The following LRRC3 variants were observed in gnomAD, a reference collection of about 807,000 sequenced individuals.
LRRC3 encodes the protein leucine rich repeat containing 3, also known as leucine-rich repeat-containing protein 3.
For missense variants in LRRC3, 351 were observed against 361.6 expected, an observed-to-expected ratio of 0.97 and a Z score of 0.24; for synonymous variants, 172 against 164.1, an observed-to-expected ratio of 1.05 and a Z score of -0.37.
At position 44,457,137 on chromosome 21, in the gene LRRC3, G is replaced by A. The variant is rs761582813; in HGVS notation, c.493G>A (p.Asp165Asn). Residue 165 changes from aspartate (D) to asparagine (N), a missense_variant, in exon 2 of 2, where the codon GAC (aspartate) becomes AAC (asparagine). Transcript: ENST00000291592. ...EALWELKLDPDSVDEIACHTS... is the reference protein window; with the variant it reads ...EALWELKLDPNSVDEIACHTS... ...CCTGTGGGAGCTGAAGCTGGACCCC[G>A]ACTCTGTGGACGAGATCGCCTGCCA... 21 of 1,612,826 alleles carry A rather than the reference G, an allele frequency of 1.3e-5. No individual in the cohort carries two copies. The highest frequency in any genetic ancestry group is 1.2e-4 in the African/African-American group (9 of 74,944).
Position 44,458,689 on chromosome 21 carries a change from A to G in LRRC3, c.*1271A>G, listed in dbSNP as rs1309867320. The G allele has an allele frequency of 6.0e-6, 1 of 166,990 alleles. No homozygotes were observed. Among genetic ancestry groups the G allele is most frequent in the East Asian group, 1.9e-4 (1 of 5,206 alleles). The allele number at this position is 166,990 out of a possible 1,614,324, so 10.3% of individuals were successfully genotyped here. On this transcript the variant is annotated 3_prime_UTR_variant, in exon 2 of 2. Coordinates refer to ENST00000291592, the MANE Select transcript of LRRC3 (RefSeq NM_030891.6). ...GTTAGATGTTACCTCCACCTATATG[A>G]TAGTAATTCCTAATTTTATTTTTTA...
In LRRC3 at chr21:44,456,919, A is replaced by G; in HGVS notation, c.275A>G (p.Glu92Gly). 1.2e-6 allele frequency: 2 copies of G among 1,611,284 alleles called. No homozygotes were observed. The highest frequency in any genetic ancestry group is 1.7e-6 in the Non-Finnish European group (2 of 1,179,854). Residue 92 changes from glutamate (E) to glycine (G), a missense_variant, in exon 2 of 2, where the codon GAG becomes GGG. By Grantham distance (98) the Glu-to-Gly change is moderately conservative. Transcript: ENST00000291592. ...TTCCAGCACCTGCACCGGCTCAGGG[A>G]GCTGGATCTGTCTCACAACGCCATC... ...GAFQHLHRLR[E>G]LDLSHNAIEA...
In LRRC3 at chr21:44,457,933, T is replaced by C. The variant is rs1373758900; in HGVS notation, c.*515T>C. 1.2e-5 allele frequency: 2 copies of C among 170,016 alleles called. No homozygotes were observed. Among genetic ancestry groups the C allele is most frequent in the Non-Finnish European group, 2.8e-5 (2 of 70,298 alleles). 10.5% of individuals were successfully genotyped at this position (170,016 alleles called of 1,614,324 possible). On this transcript the variant is annotated 3_prime_UTR_variant, in exon 2 of 2. Transcript: ENST00000291592. ...GCCTTGTTCCAGTGTTCGAAGTACA[T>C]TGGAACGTAAGCCCTGTTTCCAGAG...
Position 44,456,925 on chromosome 21 carries a change from A to T in LRRC3, c.281A>T (p.Asp94Val). 1 of 1,611,072 alleles carries T rather than the reference A, an allele frequency of 6.2e-7. No homozygotes were observed. The highest frequency in any genetic ancestry group is 8.5e-7 in the Non-Finnish European group (1 of 1,179,868). Residue 94 changes from aspartate (D) to valine (V), a missense_variant, in exon 2 of 2, where the codon GAT (aspartate) becomes GTT (valine). By Grantham distance (152) the Asp-to-Val change is radical. Coordinates refer to ENST00000291592, the MANE Select transcript of LRRC3 (RefSeq NM_030891.6). Reference protein sequence around the residue: ...FQHLHRLRELDLSHNAIEAIG... With the variant: ...FQHLHRLRELVLSHNAIEAIG... The stretch of plus-strand genomic sequence containing the variant: ...CACCTGCACCGGCTCAGGGAGCTGG[A>T]TCTGTCTCACAACGCCATCGAGGCC...
In LRRC3 at chr21:44,456,609, G is replaced by C. The variant is rs778597267; in HGVS notation, c.-36G>C. On this transcript the variant is annotated 5_prime_UTR_variant, in exon 2 of 2. Transcript: ENST00000291592. ...CCAGCTCCATCCCCAGGCCCTAGCAGAGGCTCGCGTGTCCCCGTCCCCAGG... is the reference window on the plus strand; with the variant it reads ...CCAGCTCCATCCCCAGGCCCTAGCACAGGCTCGCGTGTCCCCGTCCCCAGG... 8 of 1,542,464 alleles carry C rather than the reference G, an allele frequency of 5.2e-6. No homozygotes were observed. Among genetic ancestry groups the C allele is most frequent in the Non-Finnish European group, 7.0e-6 (8 of 1,145,770 alleles).
chr21:44,457,045 G>A lies in LRRC3; in HGVS notation c.401G>A (p.Gly134Asp). The A allele has an allele frequency of 1.2e-6, 2 of 1,606,236 alleles. No homozygotes were observed. The highest frequency in any genetic ancestry group is 1.1e-5 in the South Asian group (1 of 91,024). ...RIQRIPKDALGKLSAKIRLSH... is the reference protein window; with the variant it reads ...RIQRIPKDALDKLSAKIRLSH... ...CAGAGGATCCCCAAGGACGCCCTGG[G>A]CAAACTCAGCGCCAAGATACGCCTG... The change falls in exon 2 of 2, where the codon GGC becomes GAC. Residue 134 changes from glycine (G) to aspartate (D), a missense_variant. By Grantham distance (94) the Gly-to-Asp change is moderately conservative. Coordinates refer to ENST00000291592, the MANE Select transcript of LRRC3 (RefSeq NM_030891.6).
At chr21:44,456,358 G>A (rs773870514) in intron 1 of LRRC3, 140 bp from the exon 2 acceptor site, 10 of 443,614 alleles carry the variant, frequency 2.3e-5, no homozygotes, top group Non-Finnish European at 4.0e-5. Flanking sequence ...GCTGTTTAAG[G>A]AGGCGTGCTC....
At position 44,456,995 on chromosome 21, in the gene LRRC3, G is replaced by A. The variant is rs2051708283; in HGVS notation, c.351G>A (p.Leu117=). 1.2e-6 allele frequency: 2 copies of A among 1,606,484 alleles called. No homozygotes were observed. The highest frequency in any genetic ancestry group is 1.7e-6 in the Non-Finnish European group (2 of 1,179,882). Residue 117 remains leucine, a synonymous_variant, in exon 2 of 2, where the codon CTG becomes CTA. Transcript: ENST00000291592. The stretch of plus-strand genomic sequence containing the variant: ...CGGGCCTGGCCGGGGGCCTGCGGCT[G>A]CTGGACCTGTCTTACAACCGCATCC... ...TFAGLAGGLR[L]LDLSYNRIQR...
rs2051719685 is a variant in LRRC3 at position 44,457,985 on chromosome 21, A to G, written c.*567A>G. The G allele has an allele frequency of 5.9e-6, 1 of 168,278 alleles. No individual in the cohort carries two copies. Among genetic ancestry groups the G allele is most frequent in the African/African-American group, 2.4e-5 (1 of 41,484 alleles). The allele number at this position is 168,278 out of a possible 1,614,324, so 10.4% of individuals were successfully genotyped here. On this transcript the variant is annotated 3_prime_UTR_variant, in exon 2 of 2. Transcript: ENST00000291592. ...AAAGTAACAGAGACCAGGTTTTTCTAGAGAGCTAAGTGGGATGTGTAGCTC... is the reference window on the plus strand; with the variant it reads ...AAAGTAACAGAGACCAGGTTTTTCTGGAGAGCTAAGTGGGATGTGTAGCTC...
At chr21:44,455,810 C>T (rs1180735307) in intron 1 of LRRC3, among the ~76,000 whole-genome samples, 155 bp downstream of exon 1, 1 of 151,952 alleles carries the variant, frequency 6.6e-6, no homozygotes, top group African/African-American at 2.4e-5. Flanking sequence ...GAGCCTCTCC[C>T]GGCCGGCTCC....
rs2051716807 is a variant in LRRC3 at position 44,457,520 on chromosome 21, G to T, written c.*102G>T. 17 of 1,322,862 alleles carry T rather than the reference G, an allele frequency of 1.3e-5. No individual in the cohort carries two copies. The South Asian group carries it at 2.5e-4, about 20-fold the overall frequency. The allele number at this position is 1,322,862 out of a possible 1,614,324, so 81.9% of individuals were successfully genotyped here. A position where few individuals can be genotyped will look rare whatever the true frequency, so the allele number is the denominator to read the frequency against. On this transcript the variant is annotated 3_prime_UTR_variant, in exon 2 of 2. Transcript: ENST00000291592. Reference sequence around the variant, plus strand: ...TCCCTGAGGCAGGTGTCACAGCCATGTGTGCTCCCCACTGTTGCACTCAGG... The same window carrying T: ...TCCCTGAGGCAGGTGTCACAGCCATTTGTGCTCCCCACTGTTGCACTCAGG...
In LRRC3 at chr21:44,458,761, TTGGGGGGGGTGTAAATGAG is replaced by T. The variant is rs2051724765; in HGVS notation, c.*1346_*1364del. The stretch of plus-strand genomic sequence containing the variant: ...ATATTTTAAAGTACTTTGAGTATTT[TTGGGGGGGGTGTAAATGAG>T]TGATCAGTGTACATTGTGTGTGGAC... On this transcript the variant is annotated 3_prime_UTR_variant, in exon 2 of 2. Coordinates refer to ENST00000291592, the MANE Select transcript of LRRC3 (RefSeq NM_030891.6). 1 of 166,346 alleles carries T rather than the reference TTGGGGGGGGTGTAAATGAG, an allele frequency of 6.0e-6. No individual in the cohort carries two copies. The highest frequency in any genetic ancestry group is 1.5e-5 in the Non-Finnish European group (1 of 68,126). 10.3% of individuals were successfully genotyped at this position (166,346 alleles called of 1,614,324 possible). A position where few individuals can be genotyped will look rare whatever the true frequency, so the allele number is the denominator to read the frequency against.
rs1356021252 is a variant in LRRC3, at chr21:44,457,316, C to T, written c.672C>T (p.Tyr224=). 6.2e-7 allele frequency: 1 copy of T among 1,613,390 alleles called. No individual in the cohort carries two copies. The highest frequency in any genetic ancestry group is 1.7e-5 in the Admixed American group (1 of 60,028). Reference sequence around the variant, plus strand: ...CCATGGTGATCGCCTACGTCGTGTACTATGTGCGCCACAACCAGGAGGATG... The same window carrying T: ...CCATGGTGATCGCCTACGTCGTGTATTATGTGCGCCACAACCAGGAGGATG... The part of the protein sequence containing the change: ...WFAMVIAYVV[Y]YVRHNQEDAR... Residue 224 remains tyrosine (Y), a synonymous_variant, in exon 2 of 2, where the codon TAC becomes TAT. Transcript: ENST00000291592.
At position 44,456,746 on chromosome 21, in the gene LRRC3, A is replaced by G. The variant is rs2146449035; in HGVS notation, c.102A>G (p.Pro34=). The G allele has an allele frequency of 1.9e-6, 3 of 1,609,922 alleles. No homozygotes were observed. The highest frequency in any genetic ancestry group is 2.5e-6 in the Non-Finnish European group (3 of 1,179,830). ...LFCLHLGAAC[P]QPCRCPDHAG... ...GCCTGCACCTGGGCGCCGCCTGCCC[A>G]CAGCCCTGCCGGTGCCCTGACCACG... is the stretch of plus-strand genomic sequence containing the variant. Residue 34 remains proline, a synonymous_variant, in exon 2 of 2, where the codon CCA becomes CCG. Coordinates refer to ENST00000291592, the MANE Select transcript of LRRC3 (RefSeq NM_030891.6).
chr21:44,456,673 C>G lies in LRRC3; in HGVS notation c.29C>G (p.Ser10Trp), dbSNP rs540659107. 274 of 1,603,854 alleles carry G rather than the reference C, an allele frequency of 1.7e-4. 1 individual carries two copies. Among genetic ancestry groups the G allele is most frequent in the Non-Finnish European group, 2.3e-4 (270 of 1,176,106 alleles). ...GGCACCGTGCGCCCACCTCGCCCCT[C>G]GCTCCTGCTGGTCTCCACCCGGGAG... MGTVRPPRP[S>W]LLLVSTRESC... Residue 10 changes from serine to tryptophan, a missense_variant, in exon 2 of 2, where the codon TCG becomes TGG. Ser to Trp is a radical substitution (Grantham distance 177). Coordinates refer to ENST00000291592, the MANE Select transcript of LRRC3 (RefSeq NM_030891.6).
rs925738822 is a variant in LRRC3, at chr21:44,457,202, T to G, written c.558T>G (p.Val186=). 4 of 1,613,850 alleles carry G rather than the reference T, an allele frequency of 2.5e-6. No homozygotes were observed. In the African/African-American group the frequency reaches 5.3e-5, roughly 22 times the overall value. The part of the protein sequence containing the change: ...VQEEFVGKPL[V]QALDAGASLC... The stretch of plus-strand genomic sequence containing the variant: ...AGGAGTTTGTGGGGAAGCCTCTGGT[T>G]CAGGCTCTGGATGCGGGTGCCAGCC... Residue 186 remains valine, a synonymous_variant, in exon 2 of 2, where the codon GTT becomes GTG. Transcript: ENST00000291592.
rs1260346151 is a variant in LRRC3, at chr21:44,457,799, C to T, written c.*381C>T. On this transcript the variant is annotated 3_prime_UTR_variant, in exon 2 of 2. Coordinates refer to ENST00000291592, the MANE Select transcript of LRRC3 (RefSeq NM_030891.6). ...GGTGCTCTGCAAGCGAGAGGGTTCA[C>T]CAGAGGGAGCTTGGGTGCAGGTTCA... 4.1e-6 allele frequency: 1 copy of T among 241,394 alleles called. No homozygotes were observed. The highest frequency in any genetic ancestry group is 8.7e-6 in the Non-Finnish European group (1 of 115,554). The allele number at this position is 241,394 out of a possible 1,614,324, so 15.0% of individuals were successfully genotyped here. A position where few individuals can be genotyped will look rare whatever the true frequency, so the allele number is the denominator to read the frequency against.
rs1246128567 is a variant in LRRC3 at position 44,460,051 on chromosome 21, GCTC to G, written c.*2636_*2638del. The G allele has an allele frequency of 2.0e-5, 3 of 152,308 alleles. No homozygotes were observed. The highest frequency in any genetic ancestry group is 4.4e-5 in the Non-Finnish European group (3 of 68,114). 9.4% of individuals were successfully genotyped at this position (152,308 alleles called of 1,614,324 possible). Reference sequence around the variant, plus strand: ...GACCCCAACACTGTGGGACCCCAAAGCTCCTTCATGCTCACTGGAGCTCCCACC... The same window carrying G: ...GACCCCAACACTGTGGGACCCCAAAGCTTCATGCTCACTGGAGCTCCCACC... On this transcript the variant is annotated 3_prime_UTR_variant, in exon 2 of 2. Transcript: ENST00000291592.
Position 44,457,596 on chromosome 21 carries a change from A to G in LRRC3, c.*178A>G. On this transcript the variant is annotated 3_prime_UTR_variant, in exon 2 of 2. Coordinates refer to ENST00000291592, the MANE Select transcript of LRRC3 (RefSeq NM_030891.6). ...GTTTTGCCACACATCCGTGTGACGG[A>G]TGAGGAACCTGAAGCTTAGAGGAAC... 1 of 644,750 alleles carries G rather than the reference A, an allele frequency of 1.6e-6. No homozygotes were observed. Among genetic ancestry groups the G allele is most frequent in the Non-Finnish European group, 2.7e-6 (1 of 376,222 alleles). The allele number at this position is 644,750 out of a possible 1,614,324, so 39.9% of individuals were successfully genotyped here.
Sources: gnomAD v4.1 joint callset for allele counts (sites outside exome capture counted in the v4.1 genomes callset) on GRCh38, gnomAD v4.1.1 for gene constraint, MANE v1.5 for transcripts, NCBI Gene and HGNC (gene_info 2026-07-23, HGNC 2026-07-21) for gene names.